Variants in BMPR1A observed in about 807,000 individuals in gnomAD.
BMPR1A encodes bone morphogenetic protein receptor type 1A, also known as bone morphogenetic protein receptor type-1A.
A neutral mutation model predicts 66.0 loss-of-function variants in BMPR1A; 7 were observed. That is an observed-to-expected ratio of 0.11 (90% CI 0.06 to 0.20). The LOEUF is 0.20. Ranked by LOEUF, BMPR1A falls within the 10% of genes least tolerant of loss-of-function variation. BMPR1A has a pLI of 1.00. For synonymous variants in BMPR1A, 200 were observed against 229.7 expected (o/e 0.87, Z 1.17); for missense variants, 408 against 669.1 (o/e 0.61, Z 4.31).
intron 1 of BMPR1A, among the ~76,000 whole-genome samples, chr10:86,808,112 C>CTA (rs1390538151): frequency 4.6e-5 from 7 of 152,098 alleles, no homozygotes; most frequent in Non-Finnish European, 1.0e-4. Context: ...TTTGGATTAT[C>CTA]TATATCTTCT....
intron 3 of BMPR1A, among the ~76,000 whole-genome samples, chr10:86,889,201 A>G (rs1361255257): frequency 6.6e-6 from 1 of 152,200 alleles, no homozygotes. Flanking sequence ...CTGTCACTGC[A>G]GGCTGCTAGA....
chr10:86,881,744 A>G (rs7922846), intron 3 of BMPR1A, among the ~76,000 whole-genome samples: 1 of 152,054 alleles, frequency 6.6e-6, no homozygotes, highest in African/African-American at 2.4e-5. Flanking sequence ...CCCAATGTCT[A>G]CAAGTAAATC....
intron 2 of BMPR1A, among the ~76,000 whole-genome samples, chr10:86,861,265 T>C (rs1842711188): frequency 6.6e-6 from 1 of 152,172 alleles, no homozygotes; most frequent in South Asian, 2.1e-4. Context: ...GGTTCCCAAG[T>C]TCTTGAGCTT....
intron 1 of BMPR1A, among the ~76,000 whole-genome samples, chr10:86,818,662 T>C (rs1842071627): frequency 6.6e-6 from 1 of 152,240 alleles, no homozygotes; most frequent in Admixed American, 6.5e-5. Flanking sequence ...TATTTATTAT[T>C]GAAAAACTCA....
At chr10:86,790,180 AAAAAAAAAATATATATAT>A (rs1841585148) in intron 1 of BMPR1A, among the ~76,000 whole-genome samples, 2 of 43,612 alleles carry the variant, frequency 4.6e-5, no homozygotes, top group Non-Finnish European at 7.4e-5. Context: ...AAAAAAAAAA[AAAAAAAAAATATATATAT>A]ATATATATAT....
intron 1 of BMPR1A, among the ~76,000 whole-genome samples, chr10:86,790,111 TTGCCAC>T (rs199798231): frequency 0.21 from 23,653 of 110,328 alleles, 3,858 homozygotes; most frequent in East Asian, 0.68. Flanking sequence ...AGCCGAGATC[TTGCCAC>T]TGCCACTGCA....
intron 3 of BMPR1A, among the ~76,000 whole-genome samples, chr10:86,880,327 C>A (rs758926992): frequency 6.6e-6 from 1 of 152,188 alleles, no homozygotes; most frequent in African/African-American, 2.4e-5. Context: ...TAGTGACCTC[C>A]GCTCTGAGGC....
At chr10:86,771,755 AGATTGATTGATT>A (rs143979852) in intron 1 of BMPR1A, among the ~76,000 whole-genome samples, 2 of 152,116 alleles carry the variant, frequency 1.3e-5, no homozygotes, top group African/African-American at 2.4e-5. Flanking sequence ...TTAATCTTTG[AGATTGATTGATT>A]GATTGATTGA....
intron 1 of BMPR1A, among the ~76,000 whole-genome samples, chr10:86,782,456 A>C (rs1841451534): frequency 6.6e-6 from 1 of 152,084 alleles, no homozygotes; most frequent in South Asian, 2.1e-4. Flanking sequence ...CCAACAATGC[A>C]CAGGAGTTCT....
chr10:86,871,284 T>C (rs567655954), intron 2 of BMPR1A, among the ~76,000 whole-genome samples: 9 of 152,314 alleles, frequency 5.9e-5, no homozygotes, highest in Admixed American at 2.0e-4. Flanking sequence ...GTTATGATTG[T>C]GTATCATTTG....
chr10:86,846,369 A>G (rs1384894883), intron 2 of BMPR1A, among the ~76,000 whole-genome samples: 1 of 152,152 alleles, frequency 6.6e-6, no homozygotes, highest in African/African-American at 2.4e-5. Context: ...GACAGCACTG[A>G]CAAGCCATCC....
chr10:86,879,053 A>G (rs1325143151), intron 3 of BMPR1A, among the ~76,000 whole-genome samples: 2 of 152,206 alleles, frequency 1.3e-5, no homozygotes, highest in African/African-American at 2.4e-5. Context: ...TTGAACAATA[A>G]AGAGCATGTA....
rs745728681 is a variant in BMPR1A, at chr10:86,917,244, A to G, written c.786A>G (p.Val262=). 1.3e-5 allele frequency: 21 copies of G among 1,613,902 alleles called. No homozygotes were observed. The highest frequency in any genetic ancestry group is 1.8e-5 in the Non-Finnish European group (21 of 1,179,866). Residue 262 remains valine (V), a synonymous_variant, in exon 9 of 13, where the codon GTA becomes GTG. Coordinates refer to ENST00000372037, the MANE Select transcript of BMPR1A (RefSeq NM_004329.3). ...GTGGCGAAAAAGTGGCGGTGAAAGTATTCTTTACCACTGAAGAAGCCAGCT... is the reference window on the plus strand; with the variant it reads ...GTGGCGAAAAAGTGGCGGTGAAAGTGTTCTTTACCACTGAAGAAGCCAGCT... ...KWRGEKVAVK[V]FFTTEEASWF...
intron 3 of BMPR1A, among the ~76,000 whole-genome samples, chr10:86,880,523 G>A (rs1354344653): frequency 6.6e-6 from 1 of 151,968 alleles, no homozygotes; most frequent in Non-Finnish European, 1.5e-5. Context: ...AGTCACCCAG[G>A]GCTTAAAACA....
intron 1 of BMPR1A, among the ~76,000 whole-genome samples, chr10:86,795,003 C>T (rs913732943): frequency 1.3e-5 from 2 of 151,848 alleles, no homozygotes; most frequent in Non-Finnish European, 2.9e-5. Flanking sequence ...AGGCATGCAC[C>T]ACCACAACTA....
At chr10:86,771,933 A>G (rs1237063916) in intron 1 of BMPR1A, among the ~76,000 whole-genome samples, 1 of 151,414 alleles carries the variant, frequency 6.6e-6, no homozygotes, top group African/African-American at 2.4e-5. Context: ...CCTGGCTCCA[A>G]TTTATACTTT....
intron 1 of BMPR1A, among the ~76,000 whole-genome samples, chr10:86,798,234 T>G (rs1325857515): frequency 6.6e-6 from 1 of 152,160 alleles, no homozygotes; most frequent in Non-Finnish European, 1.5e-5. Context: ...CTTACTACCG[T>G]ATGACATTTT....
intron 3 of BMPR1A, among the ~76,000 whole-genome samples, chr10:86,888,477 T>A (rs1393009949): frequency 2.0e-5 from 3 of 151,944 alleles, no homozygotes; most frequent in Admixed American, 1.3e-4. Flanking sequence ...CAAATAAAAA[T>A]GTTCTCTATA....
intron 1 of BMPR1A, among the ~76,000 whole-genome samples, chr10:86,766,942 G>C (rs1266183233): frequency 2.0e-5 from 3 of 151,724 alleles, no homozygotes; most frequent in African/African-American, 7.3e-5. Flanking sequence ...TCCTGACTCA[G>C]CCTCCGGAGT....
Sources: allele counts gnomAD v4.1 joint callset (sites outside exome capture counted in the v4.1 genomes callset), GRCh38; gene constraint gnomAD v4.1.1; transcripts MANE v1.5; gene names NCBI Gene and HGNC (gene_info 2026-07-23, HGNC 2026-07-21).